Variants in LGR5 observed in about 807,000 individuals in gnomAD.
The protein encoded by LGR5 is leucine-rich repeat-containing G protein-coupled receptor 5.
A neutral mutation model predicts 76.7 loss-of-function variants in LGR5; 54 were observed. The observed-to-expected ratio is 0.70, with a 90% CI of 0.57 to 0.88. The LOEUF is 0.88. Among genes scored for constraint, LGR5 ranks in the 40% least tolerant of loss-of-function variants. The pLI, the probability that LGR5 is intolerant of heterozygous loss-of-function variation, is 0.00. For missense variants in LGR5, 1,078 were observed against 1,073.3 expected, an observed-to-expected ratio of 1.00 and a Z score of -0.06; for synonymous variants, 406 against 421.9, an observed-to-expected ratio of 0.96 and a Z score of 0.46.
Position 71,584,060 on chromosome 12 carries a change from AT to A in LGR5, c.2051del (p.Ile684ThrfsTer10). The A allele has an allele frequency of 6.2e-7, 1 of 1,614,182 alleles. No individual in the cohort carries two copies. Among genetic ancestry groups the A allele is most frequent in the Non-Finnish European group, 8.5e-7 (1 of 1,180,048 alleles). ...AGCTCCATTTTCTAGCCTGAAAGTA[AT>A]CATTTTGCTCTGTGCCCTGCTGGCC... is the stretch of plus-strand genomic sequence containing the variant. ...TKAPFSSLKV[I>X]ILLCALLALT... On this transcript the variant is annotated frameshift_variant, in exon 18 of 18. Transcript: ENST00000266674. LOFTEE classifies it high-confidence loss of function.
chr12:71,443,874 C>A (rs1871872059), intron 1 of LGR5, among the ~76,000 whole-genome samples: 1 of 151,806 alleles, frequency 6.6e-6, no homozygotes, highest in South Asian at 2.1e-4. Context: ...CATCCACAAG[C>A]AAATGTATGT....
chr12:71,578,709 GAGT>G, intron 14 of LGR5, 92 bp from the exon 15 acceptor site: 2 of 1,257,604 alleles, frequency 1.6e-6, no homozygotes, highest in Non-Finnish European at 2.2e-6. Flanking sequence ...AGTTTTTATT[GAGT>G]AGTTTAACGA....
intron 13 of LGR5, among the ~76,000 whole-genome samples, chr12:71,576,917 C>A (rs1262061511): frequency 6.6e-6 from 1 of 152,190 alleles, no homozygotes; most frequent in Non-Finnish European, 1.5e-5. Context: ...CCATTTGTAG[C>A]TTTTCTACCT....
chr12:71,454,334 G>T (rs979171318), intron 1 of LGR5, among the ~76,000 whole-genome samples: 1 of 152,182 alleles, frequency 6.6e-6, no homozygotes, highest in African/African-American at 2.4e-5. Context: ...CAACATGGAA[G>T]AAACCGTCAG....
intron 1 of LGR5, among the ~76,000 whole-genome samples, chr12:71,482,532 C>CA (rs142722027): frequency 0.011 from 1,572 of 146,622 alleles, 27 homozygotes; most frequent in African/African-American, 0.037. Context: ...ACACTATCTA[C>CA]AAAAAAAAAA....
At chr12:71,545,812 A>G (rs1422619761) in intron 4 of LGR5, among the ~76,000 whole-genome samples, 1 of 152,238 alleles carries the variant, frequency 6.6e-6, no homozygotes, top group African/African-American at 2.4e-5. Flanking sequence ...TTCTGGAACA[A>G]CAATAGCAAT....
intron 4 of LGR5, among the ~76,000 whole-genome samples, chr12:71,545,424 C>T (rs921267320): frequency 2.6e-5 from 4 of 151,950 alleles, no homozygotes; most frequent in Non-Finnish European, 4.4e-5. Context: ...TGCACTCCAG[C>T]GTGAGTGACA....
At chr12:71,546,160 A>G (rs1877148064) in intron 4 of LGR5, among the ~76,000 whole-genome samples, 1 of 151,864 alleles carries the variant, frequency 6.6e-6, no homozygotes, top group African/African-American at 2.4e-5. Flanking sequence ...TAAAAATACA[A>G]AAAAATTAGC....
intron 3 of LGR5, among the ~76,000 whole-genome samples, chr12:71,531,963 A>G (rs577347628): frequency 9.2e-5 from 14 of 152,170 alleles, no homozygotes; most frequent in Admixed American, 9.2e-4. Flanking sequence ...CAACTATTCA[A>G]TGACAAAAAG....
intron 1 of LGR5, among the ~76,000 whole-genome samples, chr12:71,473,311 A>G (rs947876993): frequency 1.3e-5 from 2 of 152,188 alleles, no homozygotes; most frequent in African/African-American, 4.8e-5. Flanking sequence ...GTAGGTTTAT[A>G]AATTATCATC....
At chr12:71,492,792 A>ACTTC in intron 1 of LGR5, among the ~76,000 whole-genome samples, 2 of 145,694 alleles carry the variant, frequency 1.4e-5, no homozygotes, top group African/African-American at 5.7e-5. Flanking sequence ...ATTTTGAGTT[A>ACTTC]TGATATGCAT....
At chr12:71,452,215 A>C (rs1872279008) in intron 1 of LGR5, among the ~76,000 whole-genome samples, 1 of 152,158 alleles carries the variant, frequency 6.6e-6, no homozygotes, top group Non-Finnish European at 1.5e-5. Context: ...GGGAACTGTG[A>C]GTAACAAACT....
At chr12:71,517,591 A>C (rs541404694) in intron 2 of LGR5, among the ~76,000 whole-genome samples, 1 of 151,976 alleles carries the variant, frequency 6.6e-6, no homozygotes, top group East Asian at 1.9e-4. Context: ...GAGCTGATAA[A>C]CACCTAGTTG....
intron 13 of LGR5, among the ~76,000 whole-genome samples, chr12:71,577,634 GC>G (rs1488320615): frequency 2.6e-5 from 4 of 152,092 alleles, no homozygotes; most frequent in Non-Finnish European, 5.9e-5. Context: ...TTTTAGAAAG[GC>G]CCTAATAAAA....
chr12:71,518,295 A>C (rs137871566), intron 2 of LGR5, among the ~76,000 whole-genome samples: 7,761 of 152,280 alleles, frequency 0.051, 205 homozygotes, highest in Middle Eastern at 0.065. Flanking sequence ...CAAAACCACA[A>C]TGAGATACCA....
intron 4 of LGR5, among the ~76,000 whole-genome samples, chr12:71,552,519 C>T (rs1877540849): frequency 2.0e-5 from 3 of 150,956 alleles, no homozygotes; most frequent in Admixed American, 6.6e-5. Context: ...GAGCCGAGAT[C>T]GCGCCATTGC....
chr12:71,516,629 A>C (rs527514737), intron 2 of LGR5, among the ~76,000 whole-genome samples: 1 of 152,360 alleles, frequency 6.6e-6, no homozygotes, highest in Non-Finnish European at 1.5e-5. Context: ...TACAAAATAT[A>C]AAATAAAATC....
At chr12:71,455,911 G>T (rs753885380) in intron 1 of LGR5, among the ~76,000 whole-genome samples, 2 of 152,076 alleles carry the variant, frequency 1.3e-5, no homozygotes, top group Non-Finnish European at 2.9e-5. Context: ...TATATAAAAA[G>T]ATCCTCTAAA....
At chr12:71,556,996 T>C (rs1366805658) in intron 6 of LGR5, among the ~76,000 whole-genome samples, 4 of 152,080 alleles carry the variant, frequency 2.6e-5, no homozygotes, top group Non-Finnish European at 4.4e-5. Context: ...TCACTCAGGC[T>C]CACTGTTCAT....
Sources: gnomAD v4.1 joint callset for allele counts (sites outside exome capture counted in the v4.1 genomes callset) on GRCh38, gnomAD v4.1.1 for gene constraint, MANE v1.5 for transcripts, NCBI Gene and HGNC (gene_info 2026-07-23, HGNC 2026-07-21) for gene names.